The following FBXL17 variants were observed in gnomAD, a reference collection of about 807,000 sequenced individuals.
The protein encoded by FBXL17 is F-box/LRR-repeat protein 17.
Under a neutral mutation model 66.2 loss-of-function variants are expected in FBXL17, and 22 were observed. That is an observed-to-expected ratio of 0.33 (90% CI 0.24 to 0.47). The LOEUF is 0.47. Among genes scored for constraint, FBXL17 ranks in the 20% least tolerant of loss-of-function variants. FBXL17 has a pLI of 1.00. For missense variants in FBXL17, 878 were observed against 948.2 expected, an observed-to-expected ratio of 0.93 and a Z score of 0.97; for synonymous variants, 474 against 400.5, an observed-to-expected ratio of 1.18 and a Z score of -2.19.
At chr5:108,262,068 TTA>T (rs1189350286) in intron 4 of FBXL17, among the ~76,000 whole-genome samples, 1 of 133,840 alleles carries the variant, frequency 7.5e-6, no homozygotes, top group African/African-American at 3.1e-5. Flanking sequence ...ATTTATTTAT[TTA>T]TTTATTTATT....
At chr5:108,348,952 G>C (rs565366823) in intron 3 of FBXL17, among the ~76,000 whole-genome samples, 23 of 152,128 alleles carry the variant, frequency 1.5e-4, no homozygotes, top group African/African-American at 5.5e-4. Context: ...GTACAGGTGT[G>C]TGCCACCACA....
At chr5:108,137,672 A>AAG in intron 6 of FBXL17, among the ~76,000 whole-genome samples, 1 of 152,348 alleles carries the variant, frequency 6.6e-6, no homozygotes, top group Admixed American at 6.5e-5. Flanking sequence ...AGAGAAAGTC[A>AAG]TGAAATCAAT....
chr5:108,035,621 C>A (rs1055919159), intron 6 of FBXL17, among the ~76,000 whole-genome samples: 1 of 152,126 alleles, frequency 6.6e-6, no homozygotes, highest in African/African-American at 2.4e-5. Flanking sequence ...CCCGCCTCGG[C>A]CTCCCAAAGT....
chr5:107,880,797 T>G (rs1353882739), intron 8 of FBXL17: 1 of 1,351,658 alleles, frequency 7.4e-7, no homozygotes, highest in Non-Finnish European at 9.5e-7. Flanking sequence ...TGTATATGAT[T>G]ACTTTTTCTT....
At chr5:108,273,759 T>C (rs1310321997) in intron 4 of FBXL17, among the ~76,000 whole-genome samples, 2 of 152,028 alleles carry the variant, frequency 1.3e-5, no homozygotes, top group African/African-American at 4.8e-5. Flanking sequence ...GAAAAATAAG[T>C]TGAAGAGATG....
intron 4 of FBXL17, among the ~76,000 whole-genome samples, chr5:108,285,139 C>G (rs1757846841): frequency 6.6e-6 from 1 of 151,884 alleles, no homozygotes; most frequent in African/African-American, 2.4e-5. Flanking sequence ...TTTGATCATG[C>G]AACTGCAGCA....
At chr5:108,213,970 A>G (rs1428506867) in intron 5 of FBXL17, among the ~76,000 whole-genome samples, 1 of 152,158 alleles carries the variant, frequency 6.6e-6, no homozygotes, top group Non-Finnish European at 1.5e-5. Context: ...TCTCCTTAAC[A>G]ATACAGGAGT....
chr5:107,916,560 T>C (rs762606062), intron 7 of FBXL17, among the ~76,000 whole-genome samples: 1 of 152,100 alleles, frequency 6.6e-6, no homozygotes, highest in South Asian at 2.1e-4. Context: ...CTCAAAGATA[T>C]TCAACAATAA....
At chr5:108,343,348 G>C (rs1485818992) in intron 4 of FBXL17, among the ~76,000 whole-genome samples, 2 of 152,176 alleles carry the variant, frequency 1.3e-5, no homozygotes, top group African/African-American at 4.8e-5. Flanking sequence ...CATCCATTAA[G>C]AGGGGAAAGA....
chr5:107,988,497 C>G (rs534423648), intron 7 of FBXL17, among the ~76,000 whole-genome samples: 44 of 151,822 alleles, frequency 2.9e-4, no homozygotes, highest in Non-Finnish European at 4.9e-4. Flanking sequence ...TCCTTTTCTA[C>G]GTTTAGTTTT....
chr5:108,245,711 A>G (rs1756064715), intron 4 of FBXL17, among the ~76,000 whole-genome samples: 2 of 152,172 alleles, frequency 1.3e-5, no homozygotes, highest in Non-Finnish European at 2.9e-5. Flanking sequence ...CACAGAAGAC[A>G]TTTTCTTTGT....
intron 4 of FBXL17, among the ~76,000 whole-genome samples, chr5:108,288,030 A>G (rs906750097): frequency 2.6e-5 from 4 of 152,044 alleles, no homozygotes; most frequent in Non-Finnish European, 5.9e-5. Flanking sequence ...ACCAAATACT[A>G]CATGTTCTCA....
At chr5:108,125,102 A>T (rs1750646081) in intron 6 of FBXL17, among the ~76,000 whole-genome samples, 1 of 152,102 alleles carries the variant, frequency 6.6e-6, no homozygotes, top group South Asian at 2.1e-4. Flanking sequence ...GAAACTACAA[A>T]ATTCTGTATT....
At chr5:108,127,172 G>C (rs1012695188) in intron 6 of FBXL17, among the ~76,000 whole-genome samples, 1 of 152,100 alleles carries the variant, frequency 6.6e-6, no homozygotes, top group African/African-American at 2.4e-5. Flanking sequence ...GTCTAAGAAA[G>C]TAATTATAAA....
intron 6 of FBXL17, among the ~76,000 whole-genome samples, chr5:108,171,691 G>A (rs1320589158): frequency 2.6e-5 from 4 of 152,160 alleles, no homozygotes; most frequent in African/African-American, 9.7e-5. Flanking sequence ...ACTGGGCTTT[G>A]CCAAGCAATT....
intron 5 of FBXL17, among the ~76,000 whole-genome samples, chr5:108,192,886 C>G (rs2150040030): frequency 6.6e-6 from 1 of 152,238 alleles, no homozygotes; most frequent in East Asian, 1.9e-4. Context: ...AAACAAAACC[C>G]TCAATTGTAA....
At chr5:107,924,504 TA>T (rs1255235511) in intron 7 of FBXL17, among the ~76,000 whole-genome samples, 5 of 152,236 alleles carry the variant, frequency 3.3e-5, no homozygotes, top group Admixed American at 2.0e-4. Flanking sequence ...TAAGATGGGT[TA>T]AAAAAATGGT....
At chr5:107,881,969 T>C (rs1444359712) in intron 7 of FBXL17, among the ~76,000 whole-genome samples, 4 of 152,174 alleles carry the variant, frequency 2.6e-5, no homozygotes, top group African/African-American at 9.7e-5. Flanking sequence ...CAAAGTCCCA[T>C]AACCCATCAC....
intron 7 of FBXL17, among the ~76,000 whole-genome samples, chr5:108,015,608 A>G (rs1448625835): frequency 6.6e-6 from 1 of 152,226 alleles, no homozygotes; most frequent in African/African-American, 2.4e-5. Context: ...TTGGGCATAG[A>G]AATTTTTTTC....
Sources: allele counts gnomAD v4.1 joint callset (sites outside exome capture counted in the v4.1 genomes callset), GRCh38; gene constraint gnomAD v4.1.1; transcripts MANE v1.5; gene names NCBI Gene and HGNC (gene_info 2026-07-23, HGNC 2026-07-21).